The following NREP variants were observed in gnomAD, a reference collection of about 807,000 sequenced individuals.
NREP encodes neuronal regeneration related protein, also known as neuronal regeneration-related protein.
In NREP, 5 loss-of-function variants were observed where a neutral mutation model predicts 8.6. That is an observed-to-expected ratio of 0.58 (90% CI 0.30 to 1.22). The LOEUF (loss-of-function observed/expected upper bound fraction) is 1.22. Ranked by LOEUF, NREP falls within the 50% of genes most tolerant of loss-of-function variation. The pLI is 0.07. For synonymous variants in NREP, 27 were observed against 28.0 expected, an observed-to-expected ratio of 0.96 and a Z score of 0.11; for missense variants, 86 against 82.5, an observed-to-expected ratio of 1.04 and a Z score of -0.17.
upstream of NREP, among the ~76,000 whole-genome samples, chr5:111,762,582 C>T (rs1182295506): frequency 6.6e-6 from 1 of 152,004 alleles, no homozygotes; most frequent in African/African-American, 2.4e-5. Flanking sequence ...CGGGCTCTAA[C>T]CTGAAGTGAC....
At chr5:111,889,322 T>C (rs1182936099) in intron 2 of NREP, among the ~76,000 whole-genome samples, 1 of 152,318 alleles carries the variant, frequency 6.6e-6, no homozygotes, top group South Asian at 2.1e-4. Context: ...GATCTCATGA[T>C]AACTCACTCA....
intron 2 of NREP, among the ~76,000 whole-genome samples, chr5:111,939,587 G>C (rs550143776): frequency 6.6e-6 from 1 of 152,038 alleles, no homozygotes; most frequent in Non-Finnish European, 1.5e-5. Flanking sequence ...GTTGCCGCAC[G>C]TGCAAGTGCA....
intron 2 of NREP, among the ~76,000 whole-genome samples, chr5:111,740,278 C>T (rs148632515): frequency 0.012 from 1,843 of 152,030 alleles, 16 homozygotes; most frequent in Middle Eastern, 0.031. Flanking sequence ...TAGGAAATAC[C>T]AATTTTATGC....
At chr5:111,744,669 C>CATGTGGGG (rs1554095613) in intron 2 of NREP, among the ~76,000 whole-genome samples, 1 of 151,970 alleles carries the variant, frequency 6.6e-6, no homozygotes, top group Non-Finnish European at 1.5e-5. Context: ...TCCGGCAGTA[C>CATGTGGGG]CATGTGAGGC....
intron 2 of NREP, among the ~76,000 whole-genome samples, chr5:111,967,709 G>A (rs1389825261): frequency 4.6e-5 from 7 of 151,946 alleles, no homozygotes; most frequent in African/African-American, 7.3e-5. Flanking sequence ...GCCTCTGCCC[G>A]GCCGCTGTGC....
chr5:111,780,018 C>T (rs973912376), intron 2 of NREP, among the ~76,000 whole-genome samples: 3 of 152,170 alleles, frequency 2.0e-5, no homozygotes, highest in Non-Finnish European at 4.4e-5. Flanking sequence ...TAGTGCTGGC[C>T]GTGATCCAAT....
At chr5:111,776,339 A>G (rs1751356904) in intron 2 of NREP, among the ~76,000 whole-genome samples, 2 of 152,198 alleles carry the variant, frequency 1.3e-5, no homozygotes, top group Admixed American at 6.5e-5. Flanking sequence ...TGATGGGAAT[A>G]CTAATGTAAT....
At chr5:111,795,399 G>T (rs1222695356) in intron 2 of NREP, among the ~76,000 whole-genome samples, 1 of 152,120 alleles carries the variant, frequency 6.6e-6, no homozygotes, top group Non-Finnish European at 1.5e-5. Flanking sequence ...CCATCATTTG[G>T]CAAACTCAAG....
At chr5:111,946,632 C>A (rs957283955) in intron 2 of NREP, among the ~76,000 whole-genome samples, 2 of 151,978 alleles carry the variant, frequency 1.3e-5, no homozygotes, top group African/African-American at 4.8e-5. Flanking sequence ...TCCCTCAGTA[C>A]AGCCTCTATC....
At chr5:111,813,978 T>C (rs891363511) in intron 2 of NREP, among the ~76,000 whole-genome samples, 3 of 152,118 alleles carry the variant, frequency 2.0e-5, no homozygotes, top group African/African-American at 7.2e-5. Flanking sequence ...CACACAATTA[T>C]TTCATAATTT....
chr5:111,897,416 T>C (rs1754537470), intron 2 of NREP, among the ~76,000 whole-genome samples: 1 of 152,184 alleles, frequency 6.6e-6, no homozygotes, highest in African/African-American at 2.4e-5. Flanking sequence ...ATTTTACTTT[T>C]TCCAGAAAAT....
chr5:111,747,350 T>A (rs766611214), intron 2 of NREP, among the ~76,000 whole-genome samples: 6 of 152,096 alleles, frequency 3.9e-5, no homozygotes, highest in Non-Finnish European at 5.9e-5. Flanking sequence ...CCTGGACCCG[T>A]TTTAAACAAA....
intron 2 of NREP, among the ~76,000 whole-genome samples, chr5:111,798,234 T>C (rs1751916611): frequency 6.6e-6 from 1 of 152,180 alleles, no homozygotes; most frequent in Non-Finnish European, 1.5e-5. Context: ...TCATATAAGA[T>C]CATAGAGAAA....
chr5:111,812,426 T>G (rs1467709078), intron 2 of NREP, among the ~76,000 whole-genome samples: 1 of 152,178 alleles, frequency 6.6e-6, no homozygotes, highest in Admixed American at 6.5e-5. Context: ...ATTTTAAGAT[T>G]GTAGGTATCC....
intron 2 of NREP, among the ~76,000 whole-genome samples, chr5:111,890,925 C>T (rs528991133): frequency 2.6e-5 from 4 of 152,336 alleles, no homozygotes; most frequent in Non-Finnish European, 5.9e-5. Flanking sequence ...CAGCACTTGC[C>T]TCCTTTTTAA....
intron 2 of NREP, among the ~76,000 whole-genome samples, chr5:111,858,167 C>T (rs948122745): frequency 2.6e-5 from 4 of 152,126 alleles, no homozygotes; most frequent in African/African-American, 9.7e-5. Flanking sequence ...CCTACTGAGT[C>T]TGAAACTCTG....
At chr5:111,867,121 T>G (rs1175240349) in intron 2 of NREP, among the ~76,000 whole-genome samples, 1 of 151,434 alleles carries the variant, frequency 6.6e-6, no homozygotes, top group Non-Finnish European at 1.5e-5. Context: ...GTTGTGCACA[T>G]GTACCCTAGA....
intron 2 of NREP, among the ~76,000 whole-genome samples, chr5:111,901,851 ATGT>A (rs1436846773): frequency 1.3e-5 from 2 of 150,944 alleles, no homozygotes; most frequent in South Asian, 2.2e-4. Context: ...AGAAGAATTA[ATGT>A]TGTTAAAACG....
chr5:111,898,586 T>G (rs547599906), intron 2 of NREP, among the ~76,000 whole-genome samples: 8 of 152,116 alleles, frequency 5.3e-5, no homozygotes, highest in Admixed American at 2.6e-4. Flanking sequence ...AGACAGGAAT[T>G]TGGGGATCAG....
Sources: allele counts gnomAD v4.1 joint callset (sites outside exome capture counted in the v4.1 genomes callset), GRCh38; gene constraint gnomAD v4.1.1; transcripts MANE v1.5; gene names NCBI Gene and HGNC (gene_info 2026-07-23, HGNC 2026-07-21).